Variants in ADAMTS12 observed in about 807,000 individuals in gnomAD.
ADAMTS12 encodes A disintegrin and metalloproteinase with thrombospondin motifs 12.
Under a neutral mutation model 167.8 loss-of-function variants are expected in ADAMTS12, and 118 were observed. The observed-to-expected ratio is 0.70, with a 90% CI of 0.61 to 0.82. The LOEUF (loss-of-function observed/expected upper bound fraction) is 0.82, where lower values mean the gene tolerates loss of function less well. Ranked by LOEUF, ADAMTS12 falls within the 40% of genes least tolerant of loss-of-function variation. ADAMTS12 has a pLI of 0.00. For synonymous variants in ADAMTS12, 704 were observed against 716.9 expected, an observed-to-expected ratio of 0.98 and a Z score of 0.29; for missense variants, 1,916 against 1,998.8, an observed-to-expected ratio of 0.96 and a Z score of 0.79.
At chr5:33,782,140 T>C (rs1025204814) in intron 2 of ADAMTS12, among the ~76,000 whole-genome samples, 1 of 152,120 alleles carries the variant, frequency 6.6e-6, no homozygotes, top group Non-Finnish European at 1.5e-5. Flanking sequence ...GCCATAAGTA[T>C]ATATAAAGCA....
intron 3 of ADAMTS12, among the ~76,000 whole-genome samples, chr5:33,746,758 C>A (rs1744802703): frequency 6.6e-6 from 1 of 152,172 alleles, no homozygotes; most frequent in Non-Finnish European, 1.5e-5. Context: ...GTGATTAAAG[C>A]CTATAATCAG....
intron 15 of ADAMTS12, 107 bp downstream of exon 15, chr5:33,615,721 A>C (rs1270441020): frequency 1.4e-6 from 2 of 1,439,838 alleles, no homozygotes; most frequent in South Asian, 1.4e-5. Context: ...TTGCTAAAAG[A>C]GGTTTTAAAG....
chr5:33,545,350 GTC>G (rs1475966828), intron 22 of ADAMTS12, among the ~76,000 whole-genome samples: 1 of 152,162 alleles, frequency 6.6e-6, no homozygotes, highest in African/African-American at 2.4e-5. Flanking sequence ...TCATTAAAAA[GTC>G]AAGAAACAAC....
At chr5:33,780,830 A>C (rs998319930) in intron 2 of ADAMTS12, among the ~76,000 whole-genome samples, 1 of 152,080 alleles carries the variant, frequency 6.6e-6, no homozygotes, top group Non-Finnish European at 1.5e-5. Flanking sequence ...TAAATGTGAG[A>C]TTGGTCTTTC....
At chr5:33,751,587 T>G (rs758644981) in intron 2 of ADAMTS12, 39 bp from the exon 3 acceptor site, 117 of 1,602,866 alleles carry the variant, frequency 7.3e-5, no homozygotes, top group Non-Finnish European at 9.5e-5. Context: ...TTTTAACCAA[T>G]TCTACATACC....
chr5:33,685,888 G>A (rs1251878333), intron 3 of ADAMTS12, among the ~76,000 whole-genome samples: 1 of 151,936 alleles, frequency 6.6e-6, no homozygotes, highest in Non-Finnish European at 1.5e-5. Flanking sequence ...TTTTGTCCCT[G>A]TTTTGAATCT....
chr5:33,853,569 T>C (rs879050748), intron 2 of ADAMTS12, among the ~76,000 whole-genome samples: 3 of 152,194 alleles, frequency 2.0e-5, no homozygotes, highest in Admixed American at 2.0e-4. Context: ...CAAGTTCCCA[T>C]GTATCTTCTC....
chr5:33,730,311 T>TGTGC (rs1744146666), intron 3 of ADAMTS12, among the ~76,000 whole-genome samples: 1 of 151,546 alleles, frequency 6.6e-6, no homozygotes, highest in African/African-American at 2.4e-5. Context: ...TGTGTGTGTG[T>TGTGC]GTGTGTGTGT....
intron 2 of ADAMTS12, among the ~76,000 whole-genome samples, chr5:33,828,608 T>C (rs1385581945): frequency 6.6e-6 from 1 of 152,210 alleles, no homozygotes; most frequent in Non-Finnish European, 1.5e-5. Flanking sequence ...TTCACACTTT[T>C]ACCTTTCACG....
chr5:33,609,635 A>G (rs565986084), intron 16 of ADAMTS12, among the ~76,000 whole-genome samples: 1 of 152,292 alleles, frequency 6.6e-6, no homozygotes, highest in Admixed American at 6.5e-5. Flanking sequence ...ACAAAGTGTA[A>G]TATTTCTACT....
intron 2 of ADAMTS12, among the ~76,000 whole-genome samples, chr5:33,808,134 A>T (rs74597413): frequency 6.6e-6 from 1 of 152,228 alleles, no homozygotes; most frequent in African/African-American, 2.4e-5. Context: ...GCGTACAGAA[A>T]GAAGGACTTC....
chr5:33,527,052 G>A lies in ADAMTS12; in HGVS notation c.*136C>T, dbSNP rs1743852514. 1.7e-6 allele frequency: 2 copies of A among 1,180,922 alleles called. No individual in the cohort carries two copies. The highest frequency in any genetic ancestry group is 2.4e-6 in the Non-Finnish European group (2 of 832,604). The allele number at this position is 1,180,922 out of a possible 1,614,324, so 73.2% of individuals were successfully genotyped here. A position where few individuals can be genotyped will look rare whatever the true frequency, so the allele number is the denominator to read the frequency against. ...CATTCGGTGGCTAGAGGAACACAAT[G>A]GATTTTGTTTCATCATGACCCAAAG... On this transcript the variant is annotated 3_prime_UTR_variant, in exon 24 of 24. Coordinates refer to ENST00000504830, the MANE Select transcript of ADAMTS12 (RefSeq NM_030955.4).
chr5:33,647,296 T>C (rs1740703597), intron 9 of ADAMTS12, among the ~76,000 whole-genome samples: 1 of 152,192 alleles, frequency 6.6e-6, no homozygotes, highest in Admixed American at 6.5e-5. Flanking sequence ...GGAGTAAGTA[T>C]TTATAAATCC....
intron 18 of ADAMTS12, among the ~76,000 whole-genome samples, chr5:33,579,883 G>A (rs1382522174): frequency 2.0e-5 from 3 of 152,206 alleles, no homozygotes; most frequent in East Asian, 1.9e-4. Context: ...AAGGCTTGGG[G>A]TTCCCCAATT....
chr5:33,642,388 G>A (rs1339014948), intron 10 of ADAMTS12, among the ~76,000 whole-genome samples: 2 of 152,156 alleles, frequency 1.3e-5, no homozygotes, highest in Admixed American at 6.5e-5. Context: ...CTGGCACAGC[G>A]AATAGCACTT....
intron 2 of ADAMTS12, among the ~76,000 whole-genome samples, chr5:33,821,223 A>G (rs182596225): frequency 6.6e-6 from 1 of 152,282 alleles, no homozygotes; most frequent in East Asian, 1.9e-4. Context: ...TATATCTATA[A>G]TCATTATAAT....
intron 19 of ADAMTS12, among the ~76,000 whole-genome samples, chr5:33,562,523 A>C (rs1579669451): frequency 6.6e-6 from 1 of 152,188 alleles, no homozygotes; most frequent in Admixed American, 6.5e-5. Flanking sequence ...GAACTAAAAA[A>C]AAAAGACAGG....
intron 22 of ADAMTS12, among the ~76,000 whole-genome samples, chr5:33,536,807 G>A (rs1053366697): frequency 6.6e-6 from 1 of 152,178 alleles, no homozygotes; most frequent in Admixed American, 6.5e-5. Context: ...TTACAATTTT[G>A]AATCTTCTAT....
At chr5:33,665,374 CAG>C (rs1018254081) in intron 5 of ADAMTS12, among the ~76,000 whole-genome samples, 4 of 150,890 alleles carry the variant, frequency 2.7e-5, no homozygotes, top group African/African-American at 7.4e-5. Flanking sequence ...AAATTGCTAA[CAG>C]AGTAGATTTT....
Sources: gnomAD v4.1 joint callset for allele counts (sites outside exome capture counted in the v4.1 genomes callset) on GRCh38, gnomAD v4.1.1 for gene constraint, MANE v1.5 for transcripts, NCBI Gene and HGNC (gene_info 2026-07-23, HGNC 2026-07-21) for gene names.